Variants in MAP4K5 observed in about 807,000 individuals in gnomAD.
MAP4K5 encodes the protein MAPK/ERK kinase kinase kinase 5.
Under a neutral mutation model 135.6 loss-of-function variants are expected in MAP4K5, and 82 were observed. That is an observed-to-expected ratio of 0.60 (90% CI 0.51 to 0.73). MAP4K5 has a LOEUF of 0.73. Among genes scored for constraint, MAP4K5 ranks in the 30% least tolerant of loss-of-function variants. The probability of loss-of-function intolerance (pLI) is 0.00; values close to 1 mark genes in which losing one functional copy is unlikely to be tolerated. For synonymous variants in MAP4K5, 347 were observed against 335.0 expected (o/e 1.04, Z -0.39); for missense variants, 907 against 1,010.9 (o/e 0.90, Z 1.39).
intron 14 of MAP4K5, among the ~76,000 whole-genome samples, chr14:50,453,978 A>C (rs537945306): frequency 6.6e-6 from 1 of 152,278 alleles, no homozygotes; most frequent in South Asian, 2.1e-4. Flanking sequence ...CTAAAAATAC[A>C]CTGTAAAAAT....
intron 2 of MAP4K5, among the ~76,000 whole-genome samples, chr14:50,527,023 A>G (rs368780073): frequency 2.0e-5 from 3 of 152,244 alleles, no homozygotes; most frequent in African/African-American, 7.2e-5. Context: ...AACTAAATGA[A>G]GGCTCATTCA....
In MAP4K5 at chr14:50,419,669, C is replaced by G. The variant is rs948327658; in HGVS notation, c.*350G>C. The G allele has an allele frequency of 1.1e-5, 2 of 187,224 alleles. No homozygotes were observed. Among genetic ancestry groups the G allele is most frequent in the Admixed American group, 5.5e-5 (1 of 18,198 alleles). The allele number at this position is 187,224 out of a possible 1,614,324, so 11.6% of individuals were successfully genotyped here. On this transcript the variant is annotated 3_prime_UTR_variant, in exon 33 of 33. Transcript: ENST00000682126. ...GGAATAAGACATGATATAAAATGAT[C>G]ACTAAATTTACCTCTCTTAAGATAA...
intron 9 of MAP4K5, among the ~76,000 whole-genome samples, chr14:50,474,596 T>A (rs1595484758): frequency 6.6e-6 from 1 of 151,998 alleles, no homozygotes. Flanking sequence ...TAATGGTAGG[T>A]AGGATGAAGG....
chr14:50,482,561 G>A (rs1010086361), intron 5 of MAP4K5, 145 bp from the exon 6 acceptor site: 18 of 539,280 alleles, frequency 3.3e-5, no homozygotes, highest in African/African-American at 2.3e-4. Flanking sequence ...GGCGGATCAC[G>A]AGGTCAAGAG....
At chr14:50,498,959 A>T (rs1416366902) in intron 3 of MAP4K5, among the ~76,000 whole-genome samples, 1 of 152,218 alleles carries the variant, frequency 6.6e-6, no homozygotes, top group Admixed American at 6.5e-5. Context: ...GCAGTCTCCA[A>T]AATTATTTGA....
Position 50,531,546 on chromosome 14 carries a change from TA to T in MAP4K5, c.108+395del, listed in dbSNP as rs894479646. ...ACTCATCCATTGAAACAAATTTTTT[TA>T]AAAAAATGCAAATGTCTGAATGTCA... On this transcript the variant is annotated intron_variant, in intron 2 of 32. Coordinates refer to ENST00000682126, the MANE Select transcript of MAP4K5 (RefSeq NM_006575.6). Among the ~76,000 whole-genome samples, 13 of 152,302 alleles carry T rather than the reference TA, an allele frequency of 8.5e-5. No homozygotes were observed. In the East Asian group the frequency reaches 2.3e-3, roughly 27 times the overall value.
intron 2 of MAP4K5, among the ~76,000 whole-genome samples, chr14:50,510,459 C>T (rs1313876272): frequency 6.6e-6 from 1 of 152,172 alleles, no homozygotes; most frequent in East Asian, 1.9e-4. Context: ...GTCATCTTAG[C>T]TCTACGCATG....
intron 32 of MAP4K5, among the ~76,000 whole-genome samples, chr14:50,422,366 A>T (rs1310117643): frequency 1.3e-5 from 2 of 152,174 alleles, no homozygotes; most frequent in African/African-American, 2.4e-5. Context: ...TTATGGAGTT[A>T]TAACTCCATT....
chr14:50,550,921 A>G (rs1374137768), intron 1 of MAP4K5, among the ~76,000 whole-genome samples: 1 of 152,242 alleles, frequency 6.6e-6, no homozygotes, highest in Non-Finnish European at 1.5e-5. Context: ...AGGTCATAGC[A>G]TTAAATGCTT....
rs777659794 is a variant in MAP4K5, at chr14:50,443,785, A to G, written c.1438-15T>C. The G allele has an allele frequency of 6.3e-7, 1 of 1,594,398 alleles. No individual in the cohort carries two copies. The highest frequency in any genetic ancestry group is 8.5e-7 in the Non-Finnish European group (1 of 1,173,324). ...ATGGCTGGTTTCTATGGGAAAAATA[A>G]AATTTACTAGTGTAAGACCTCCTAA... On this transcript the variant is annotated splice_polypyrimidine_tract_variant and intron_variant, in intron 19 of 32. Transcript: ENST00000682126.
upstream of MAP4K5, chr14:50,532,995 G>A (rs144995449): frequency 4.6e-3 from 707 of 152,734 alleles, 3 homozygotes; most frequent in Non-Finnish European, 7.7e-3. Context: ...GGGGCGCCGG[G>A]GAAGGAGGTG....
chr14:50,545,459 A>T (rs1566707287), intron 1 of MAP4K5, among the ~76,000 whole-genome samples: 1 of 152,178 alleles, frequency 6.6e-6, no homozygotes, highest in Non-Finnish European at 1.5e-5. Context: ...GACGGCATCC[A>T]TGTGGGGTGA....
At chr14:50,436,786 T>C (rs2036103098) in intron 26 of MAP4K5, among the ~76,000 whole-genome samples, 1 of 152,152 alleles carries the variant, frequency 6.6e-6, no homozygotes, top group Non-Finnish European at 1.5e-5. Flanking sequence ...CGCCATCCAT[T>C]AACCATAGGG....
At chr14:50,557,705 C>A (rs2038781054) in intron 1 of MAP4K5, among the ~76,000 whole-genome samples, 1 of 152,098 alleles carries the variant, frequency 6.6e-6, no homozygotes, top group African/African-American at 2.4e-5. Context: ...GTAGATTAAA[C>A]TTATGATTAA....
At chr14:50,505,003 TC>T in intron 2 of MAP4K5, 146 bp from the exon 3 acceptor site, 1 of 523,382 alleles carries the variant, frequency 1.9e-6, no homozygotes, top group Non-Finnish European at 3.3e-6. Context: ...CTGAGCAAAC[TC>T]ATTTTCCCAT....
intron 9 of MAP4K5, among the ~76,000 whole-genome samples, chr14:50,471,260 T>C (rs2036954716): frequency 1.3e-5 from 2 of 152,128 alleles, no homozygotes; most frequent in Admixed American, 6.5e-5. Flanking sequence ...ATTTTCCAAT[T>C]TGATAGAAAA....
chr14:50,435,047 C>A lies in MAP4K5; in HGVS notation c.1901G>T (p.Gly634Val), dbSNP rs759193365. ...KCCIVRNPYT[G>V]HKYLCGALQS... ...TAAAGCTCCACAGAGGTATTTATGT[C>A]CCGTGTAAGGGTTTCTGACTGGAAA... Residue 634 changes from glycine (G) to valine (V), a missense_variant, in exon 27 of 33, where the codon GGA (glycine) becomes GTA (valine). Gly to Val is a moderately radical substitution (Grantham distance 109, BLOSUM62 -3). This residue lies in a region of MAP4K5 where 690 missense variants were observed against 777.4 expected (regional missense o/e 0.89). Transcript: ENST00000682126. The A allele has an allele frequency of 6.2e-7, 1 of 1,607,684 alleles. No individual in the cohort carries two copies. Among genetic ancestry groups the A allele is most frequent in the Admixed American group, 1.7e-5 (1 of 59,888 alleles).
intron 9 of MAP4K5, among the ~76,000 whole-genome samples, chr14:50,473,440 G>A (rs977341856): frequency 2.0e-5 from 3 of 152,004 alleles, no homozygotes; most frequent in Non-Finnish European, 4.4e-5. Flanking sequence ...TACTTAATAT[G>A]TATTATTTTA....
chr14:50,498,082 T>C (rs1179132779), intron 3 of MAP4K5, among the ~76,000 whole-genome samples: 5 of 152,194 alleles, frequency 3.3e-5, no homozygotes, highest in Non-Finnish European at 7.3e-5. Flanking sequence ...TGGCCACCAA[T>C]AGCTACAGAC....
Sources: allele counts gnomAD v4.1 joint callset (sites outside exome capture counted in the v4.1 genomes callset), GRCh38; gene constraint gnomAD v4.1.1; regional missense constraint gnomAD v4.1.1; transcripts MANE v1.5; gene names NCBI Gene and HGNC (gene_info 2026-07-23, HGNC 2026-07-21).